The following SYN1 variants were observed in gnomAD, a reference collection of about 807,000 sequenced individuals.
SYN1 encodes the protein synapsin-1.
In SYN1, 8 loss-of-function variants were observed where a neutral mutation model predicts 44.6. That is an observed-to-expected ratio of 0.18 (90% CI 0.11 to 0.32). The LOEUF (loss-of-function observed/expected upper bound fraction) is 0.32, where lower values mean the gene tolerates loss of function less well. Among genes scored for constraint, SYN1 ranks in the 10% least tolerant of loss-of-function variants. The pLI is 1.00. For missense variants in SYN1, 451 were observed against 639.4 expected (o/e 0.71, Z 3.18); for synonymous variants, 275 against 280.1 (o/e 0.98, Z 0.18).
At chrX:47,599,727 G>A (rs189681365) in intron 5 of SYN1, among the ~76,000 whole-genome samples, 78 of 112,089 alleles carry the variant, frequency 7.0e-4, no homozygotes, top group Non-Finnish European at 1.3e-3. Context: ...AGTTATCTCA[G>A]GGTAAACACT....
At chrX:47,586,778 T>A in intron 5 of SYN1, 1 of 1,085,043 alleles carries the variant, frequency 9.2e-7, no homozygotes, top group Non-Finnish European at 1.2e-6. Flanking sequence ...AATAAAGAGT[T>A]ACCACCCAGC....
intron 5 of SYN1, among the ~76,000 whole-genome samples, chrX:47,589,410 G>A (rs745412969): frequency 2.1e-4 from 23 of 108,189 alleles, no homozygotes; most frequent in East Asian, 1.7e-3. Context: ...TGGCTAACAA[G>A]GTGAAACCCT....
intron 5 of SYN1, chrX:47,585,070 A>C (rs2057817333): frequency 3.4e-6 from 4 of 1,188,006 alleles, no homozygotes; most frequent in Middle Eastern, 2.3e-4. Context: ...CCTCCTGGTC[A>C]AAACAGAAAC....
intron 5 of SYN1, among the ~76,000 whole-genome samples, chrX:47,586,990 T>C (rs1322017240): frequency 8.8e-6 from 1 of 113,098 alleles, no homozygotes; most frequent in Admixed American, 9.3e-5. Context: ...TGAACCTGCA[T>C]TATCAACCGT....
At chrX:47,615,485 T>C (rs1032249528) in intron 1 of SYN1, among the ~76,000 whole-genome samples, 5 of 112,558 alleles carry the variant, frequency 4.4e-5, no homozygotes, top group African/African-American at 1.3e-4. Flanking sequence ...AATAACATTA[T>C]ATGTTTTGCT....
At chrX:47,608,030 C>T (rs1338179036) in intron 1 of SYN1, among the ~76,000 whole-genome samples, 1 of 108,458 alleles carries the variant, frequency 9.2e-6, no homozygotes, top group African/African-American at 3.4e-5. Flanking sequence ...GACTCCATCT[C>T]CAAAAAACCC....
At chrX:47,596,426 G>C (rs1258536321) in intron 5 of SYN1, among the ~76,000 whole-genome samples, 1 of 112,571 alleles carries the variant, frequency 8.9e-6, no homozygotes, top group Non-Finnish European at 1.9e-5. Context: ...GCATAAGGCT[G>C]TATGTATGCC....
chrX:47,589,137 T>C (rs907542595), intron 5 of SYN1, among the ~76,000 whole-genome samples: 1 of 105,731 alleles, frequency 9.5e-6, no homozygotes, highest in Non-Finnish European at 1.9e-5. Flanking sequence ...CTCTACTAAA[T>C]ATACAAAATT....
chrX:47,591,720 CAAAA>C (rs150642282), intron 5 of SYN1, among the ~76,000 whole-genome samples: 1 of 90,626 alleles, frequency 1.1e-5, no homozygotes. Context: ...CACCCTGTCT[CAAAA>C]AAAAAAAAAA....
intron 1 of SYN1, among the ~76,000 whole-genome samples, chrX:47,608,001 G>A (rs34382245): frequency 0.37 from 39,737 of 107,255 alleles, 5,539 homozygotes; most frequent in Admixed American, 0.39. Flanking sequence ...TTACACTCCA[G>A]CCTGGGCAAC....
chrX:47,606,844 G>A (rs939430866), intron 3 of SYN1, 101 bp downstream of exon 3: 16 of 826,595 alleles, frequency 1.9e-5, no homozygotes, highest in Non-Finnish European at 2.1e-5. Context: ...CTAAGTTCTT[G>A]CCCACAGAAG....
chrX:47,586,969 G>A (rs554529215), intron 5 of SYN1, among the ~76,000 whole-genome samples: 2 of 112,983 alleles, frequency 1.8e-5, no homozygotes, highest in East Asian at 5.5e-4. Context: ...TGCAACAGCA[G>A]CAATGGTCAC....
At chrX:47,588,950 G>A (rs1375377520) in intron 5 of SYN1, among the ~76,000 whole-genome samples, 4 of 111,115 alleles carry the variant, frequency 3.6e-5, no homozygotes, top group African/African-American at 1.3e-4. Context: ...GTCTGTGGTG[G>A]GGTTGGAGGA....
chrX:47,615,781 T>C (rs2057929536), intron 1 of SYN1, among the ~76,000 whole-genome samples: 1 of 111,029 alleles, frequency 9.0e-6, no homozygotes, highest in Non-Finnish European at 1.9e-5. Flanking sequence ...GGCATGTGCC[T>C]GTAGTCCCAG....
chrX:47,585,071 A>G, intron 5 of SYN1: 1 of 1,188,263 alleles, frequency 8.4e-7, no homozygotes. Context: ...CTCCTGGTCA[A>G]AACAGAAACT....
intron 5 of SYN1, among the ~76,000 whole-genome samples, chrX:47,592,370 AAATG>A (rs1255626860): frequency 1.6e-4 from 13 of 81,704 alleles, no homozygotes; most frequent in Non-Finnish European, 3.4e-4. Context: ...ATAAATAAAT[AAATG>A]AAATCTTCGT....
At position 47,605,029 on chromosome X, in the gene SYN1, T is replaced by C. The variant is rs2057892052; in HGVS notation, c.723A>G (p.Thr241=). ...QMVRLHKKLG[T]EEFPLIDQTF... ...TCTGATCAATTAGAGGGAATTCTTC[T>C]GTCCCCAGTTTCTTATGCAGTCGAA... The change falls in exon 5 of 13, where the codon ACA becomes ACG. Residue 241 remains threonine (T), a synonymous_variant. Transcript: ENST00000295987. The C allele has an allele frequency of 8.3e-7, 1 of 1,210,311 alleles. No homozygotes were observed. Among genetic ancestry groups the C allele is most frequent in the African/African-American group, 1.7e-5 (1 of 57,288 alleles).
chrX:47,577,807 G>A (rs761734064), intron 5 of SYN1, among the ~76,000 whole-genome samples: 1 of 98,240 alleles, frequency 1.0e-5, no homozygotes, highest in South Asian at 5.4e-4. Flanking sequence ...CCAGTAAAAA[G>A]AAAGTTTGTT....
In SYN1 at chrX:47,574,028, T is replaced by C. The variant is rs780546540; in HGVS notation, c.1956A>G (p.Ala652=). 28 of 1,148,891 alleles carry C rather than the reference T, an allele frequency of 2.4e-5. No homozygotes were observed. Among genetic ancestry groups the C allele is most frequent in the Non-Finnish European group, 3.2e-5 (28 of 869,344 alleles). The allele number at this position is 1,148,891 out of a possible 1,213,427, so 94.7% of individuals were successfully genotyped here. A position where few individuals can be genotyped will look rare whatever the true frequency, so the allele number is the denominator to read the frequency against. ...QDVPPPATAA[A]GGPPHPQLNK... ...TGAGCTGGGGGTGCGGAGGTCCCCC[T>C]GCAGCGGCGGTGGCGGGTGGCGGCA... The change falls in exon 12 of 13, where the codon GCA becomes GCG. Residue 652 remains alanine (A), a synonymous_variant. Coordinates refer to ENST00000295987, the MANE Select transcript of SYN1 (RefSeq NM_006950.3).
Sources: allele counts gnomAD v4.1 joint callset (sites outside exome capture counted in the v4.1 genomes callset), GRCh38; gene constraint gnomAD v4.1.1; transcripts MANE v1.5; gene names NCBI Gene and HGNC (gene_info 2026-07-23, HGNC 2026-07-21).